The following RANBP2 variants were observed in gnomAD, a reference collection of about 807,000 sequenced individuals.
The protein encoded by RANBP2 is E3 SUMO-protein ligase RanBP2.
In RANBP2, 57 loss-of-function variants were observed where a neutral mutation model predicts 303.6. The observed-to-expected ratio is 0.19, with a 90% confidence interval of 0.15 to 0.23. The LOEUF is 0.23. Among genes scored for constraint, RANBP2 ranks in the 10% least tolerant of loss-of-function variants. The pLI is 1.00. For synonymous variants in RANBP2, 1,167 were observed against 1,301.5 expected, an observed-to-expected ratio of 0.90 and a Z score of 2.23; for missense variants, 3,138 against 3,780.8, an observed-to-expected ratio of 0.83 and a Z score of 4.46.
At chr2:109,379,811 G>T in the RANBP2 span, among the ~76,000 whole-genome samples, 1 of 152,056 alleles carries the variant, frequency 6.6e-6, no homozygotes, top group African/African-American at 2.4e-5. Flanking sequence ...CACTGGGCAG[G>T]AAAGCCAGAA....
the RANBP2 span, among the ~76,000 whole-genome samples, chr2:109,583,275 T>C: frequency 2.0e-5 from 3 of 152,064 alleles, no homozygotes; most frequent in Non-Finnish European, 4.4e-5. Flanking sequence ...CATCCAACAA[T>C]AGTCTAGCAG....
the RANBP2 span, among the ~76,000 whole-genome samples, chr2:109,609,679 AAC>A: frequency 6.6e-6 from 1 of 152,172 alleles, no homozygotes; most frequent in Non-Finnish European, 1.5e-5. Context: ...CAGAAAGTAA[AAC>A]AAATGAGAAG....
chr2:108,836,870 T>C, the RANBP2 span, among the ~76,000 whole-genome samples: 3 of 152,192 alleles, frequency 2.0e-5, no homozygotes, highest in Non-Finnish European at 4.4e-5. Context: ...GATTGTTCAT[T>C]GTTAGTGTAT....
the RANBP2 span, among the ~76,000 whole-genome samples, chr2:109,149,113 G>T: frequency 6.6e-6 from 1 of 152,124 alleles, no homozygotes; most frequent in Non-Finnish European, 1.5e-5. Flanking sequence ...CTGGGCTCTG[G>T]GAAGGAGCAG....
chr2:109,364,112 A>C, the RANBP2 span, among the ~76,000 whole-genome samples: 1 of 149,990 alleles, frequency 6.7e-6, no homozygotes, highest in Non-Finnish European at 1.5e-5. Flanking sequence ...ATTGCCCCAC[A>C]ATTCTTGCTT....
chr2:109,515,568 C>G, the RANBP2 span, among the ~76,000 whole-genome samples: 84 of 152,244 alleles, frequency 5.5e-4, no homozygotes, highest in African/African-American at 1.9e-3. Context: ...GCCTCATCCC[C>G]TCAGCCAGAT....
chr2:109,492,284 G>T, the RANBP2 span, among the ~76,000 whole-genome samples: 6 of 152,176 alleles, frequency 3.9e-5, no homozygotes, highest in Non-Finnish European at 1.5e-5. Flanking sequence ...CAAATTAGCC[G>T]CAGGCGCAGT....
chr2:109,531,597 A>C, the RANBP2 span, among the ~76,000 whole-genome samples: 1 of 152,206 alleles, frequency 6.6e-6, no homozygotes, highest in East Asian at 1.9e-4. Flanking sequence ...ATGATTGATT[A>C]TATTTTTTCA....
At chr2:109,069,078 G>A in the RANBP2 span, among the ~76,000 whole-genome samples, 571 of 152,268 alleles carry the variant, frequency 3.7e-3, 2 homozygotes, top group Non-Finnish European at 6.3e-3. Flanking sequence ...TAACACATGC[G>A]TTTCACTGAA....
the RANBP2 span, among the ~76,000 whole-genome samples, chr2:109,760,521 C>T: frequency 7.9e-5 from 11 of 138,596 alleles, 1 homozygote; most frequent in Non-Finnish European, 1.7e-4. Flanking sequence ...CGGGTGAGTG[C>T]GCCGGCCGCT....
chr2:109,218,354 A>G, the RANBP2 span, among the ~76,000 whole-genome samples: 1 of 152,158 alleles, frequency 6.6e-6, no homozygotes, highest in Non-Finnish European at 1.5e-5. Context: ...TTGTCCTTTC[A>G]ATTCAAAATA....
chr2:109,054,241 T>G, the RANBP2 span, among the ~76,000 whole-genome samples: 1 of 152,196 alleles, frequency 6.6e-6, no homozygotes, highest in African/African-American at 2.4e-5. Flanking sequence ...AGAGACAATC[T>G]GGCATCAGAC....
At chr2:109,730,300 T>G in the RANBP2 span, among the ~76,000 whole-genome samples, 1 of 152,212 alleles carries the variant, frequency 6.6e-6, no homozygotes, top group Non-Finnish European at 1.5e-5. Context: ...CTTGCTGATC[T>G]GCTTGTGCTT....
chr2:109,645,670 C>T, the RANBP2 span, among the ~76,000 whole-genome samples: 117 of 152,250 alleles, frequency 7.7e-4, 2 homozygotes, highest in African/African-American at 2.6e-3. Context: ...CTGGAATTCC[C>T]GACCCTTCAC....
the RANBP2 span, chr2:108,798,632 C>T: frequency 1.4e-6 from 2 of 1,440,202 alleles, no homozygotes; most frequent in Non-Finnish European, 1.9e-6. Flanking sequence ...TTCTTCTTTT[C>T]TTCTTAGATT....
intron 1 of RANBP2, among the ~76,000 whole-genome samples, chr2:108,728,930 C>T (rs1209129315): frequency 4.6e-5 from 7 of 151,916 alleles, no homozygotes; most frequent in South Asian, 4.2e-4. Context: ...AGGCATGAGC[C>T]GCTGCACCCA....
chr2:109,377,582 G>C, the RANBP2 span, among the ~76,000 whole-genome samples: 1 of 152,172 alleles, frequency 6.6e-6, no homozygotes, highest in African/African-American at 2.4e-5. Flanking sequence ...TGGATGGAAT[G>C]CTGTTTATAG....
chr2:109,286,398 C>G, the RANBP2 span, among the ~76,000 whole-genome samples: 1 of 152,186 alleles, frequency 6.6e-6, no homozygotes, highest in African/African-American at 2.4e-5. Context: ...AAGCAGGAAC[C>G]TGGAGGCCCA....
rs553943741 is a variant in RANBP2 at position 108,751,405 on chromosome 2, A to C, written c.1415A>C (p.Glu472Ala). ...HHLPHETSRL[E>A]TNAPESICIL... ...TTGCCCCATGAAACCTCAAGGCTTG[A>C]AACAAATGCACCTGAATCAATATGT... Residue 472 changes from glutamate to alanine, a missense_variant, in exon 10 of 29, where the codon GAA (glutamate) becomes GCA (alanine). Glu to Ala is a moderately radical substitution (Grantham distance 107). Around this residue, in one of 20 missense-constraint regions of RANBP2, gnomAD observed 162 missense variants for 286.9 expected, o/e 0.56. Transcript: ENST00000283195. 5.6e-6 allele frequency: 9 copies of C among 1,612,046 alleles called. No individual in the cohort carries two copies. The highest frequency in any genetic ancestry group is 5.3e-5 in the African/African-American group (4 of 74,992).
Sources: allele counts gnomAD v4.1 joint callset (sites outside exome capture counted in the v4.1 genomes callset), GRCh38; gene constraint gnomAD v4.1.1; regional missense constraint gnomAD v4.1.1; transcripts MANE v1.5; gene names NCBI Gene and HGNC (gene_info 2026-07-23, HGNC 2026-07-21).